GRID1: variants seen among roughly 807,000 people sequenced by gnomAD.
GRID1 encodes the protein glutamate ionotropic receptor delta type subunit 1, also known as glutamate receptor ionotropic, delta-1.
GRID1 carries 28 observed loss-of-function variants against 98.0 expected under a neutral mutation model. The ratio of observed to expected loss-of-function variants is 0.29; its 90% confidence interval spans 0.21 to 0.39. The LOEUF (loss-of-function observed/expected upper bound fraction) is 0.39. Ranked by LOEUF, GRID1 falls within the 10% of genes least tolerant of loss-of-function variation. The pLI is 1.00. For synonymous variants in GRID1, 553 were observed against 538.5 expected (o/e 1.03, Z -0.37); for missense variants, 1,111 against 1,340.5 (o/e 0.83, Z 2.67).
At chr10:86,049,785 T>C (rs1290556480) in intron 4 of GRID1, among the ~76,000 whole-genome samples, 1 of 152,244 alleles carries the variant, frequency 6.6e-6, no homozygotes, top group Non-Finnish European at 1.5e-5. Flanking sequence ...CTTGGAGACA[T>C]ATTTGGGCTC....
intron 12 of GRID1, among the ~76,000 whole-genome samples, chr10:85,673,756 C>G (rs542545178): frequency 6.6e-6 from 1 of 152,136 alleles, no homozygotes. Context: ...AAAATTCCTG[C>G]GACTTTATTT....
intron 13 of GRID1, among the ~76,000 whole-genome samples, chr10:85,639,339 T>C (rs1277664298): frequency 1.3e-5 from 2 of 152,236 alleles, no homozygotes; most frequent in African/African-American, 4.8e-5. Flanking sequence ...TTCTGTATGA[T>C]TCCATTTATA....
chr10:85,758,055 G>C (rs967951554), intron 8 of GRID1, among the ~76,000 whole-genome samples: 2 of 152,206 alleles, frequency 1.3e-5, no homozygotes, highest in African/African-American at 4.8e-5. Flanking sequence ...AGAGGGAGTA[G>C]AGCATGGTGG....
intron 2 of GRID1, among the ~76,000 whole-genome samples, chr10:86,230,810 G>C (rs1001771727): frequency 2.6e-5 from 4 of 152,252 alleles, no homozygotes; most frequent in Non-Finnish European, 2.9e-5. Flanking sequence ...TCTGGTCTGT[G>C]AGCGCCTCCA....
At chr10:85,612,315 G>A (rs1175724491) in intron 15 of GRID1, among the ~76,000 whole-genome samples, 3 of 147,016 alleles carry the variant, frequency 2.0e-5, no homozygotes, top group African/African-American at 7.6e-5. Flanking sequence ...TCTGAGAAGA[G>A]CCCGCCGGCT....
Position 86,297,610 on chromosome 10 carries a change from T to C in GRID1, c.235+66331A>G, listed in dbSNP as rs138998929. Among the ~76,000 whole-genome samples the C allele has an allele frequency of 1.4e-3, 218 of 152,220 alleles. 1 individual carries two copies. Among genetic ancestry groups the C allele is most frequent in the East Asian group, 0.013 (68 of 5,184 alleles). ...AAAGAAAGTATAAATAAAAAGATAA[T>C]TCAACAATATAAAAAGTACAAAAGC... On this transcript the variant is annotated intron_variant, in intron 2 of 15. Transcript: ENST00000327946.
intron 8 of GRID1, among the ~76,000 whole-genome samples, chr10:85,782,019 ATTAATCTTCCTAAAGGC>A (rs1327863179): frequency 6.6e-6 from 1 of 152,218 alleles, no homozygotes; most frequent in East Asian, 1.9e-4. Context: ...TTTTGTCAAA[ATTAATCTTCCTAAAGGC>A]AAAAAATTTA....
chr10:86,121,322 A>AG (rs201167995), intron 4 of GRID1, among the ~76,000 whole-genome samples: 258 of 150,824 alleles, frequency 1.7e-3, no homozygotes, highest in African/African-American at 5.9e-3. Context: ...CATCATCACC[A>AG]CATCACCATC....
intron 5 of GRID1, among the ~76,000 whole-genome samples, chr10:85,893,168 G>A (rs1241011995): frequency 1.3e-5 from 2 of 151,904 alleles, no homozygotes; most frequent in African/African-American, 4.8e-5. Context: ...AAAAATATTT[G>A]GCAAAATTCA....
At chr10:85,839,820 C>T (rs965050269) in intron 8 of GRID1, among the ~76,000 whole-genome samples, 1 of 151,930 alleles carries the variant, frequency 6.6e-6, no homozygotes, top group East Asian at 1.9e-4. Flanking sequence ...AATCCAGGAG[C>T]TGGTTTTGTG....
intron 8 of GRID1, among the ~76,000 whole-genome samples, chr10:85,850,462 G>A (rs570651711): frequency 6.6e-6 from 1 of 152,304 alleles, no homozygotes; most frequent in South Asian, 2.1e-4. Context: ...ATATGGAGTG[G>A]ACATCTGCTG....
chr10:86,026,055 G>T (rs536212776), intron 4 of GRID1, among the ~76,000 whole-genome samples: 6 of 152,134 alleles, frequency 3.9e-5, no homozygotes, highest in African/African-American at 1.2e-4. Flanking sequence ...AAGGCCCAAG[G>T]GGGTGTTGCT....
intron 4 of GRID1, among the ~76,000 whole-genome samples, chr10:86,118,640 G>A (rs2131957331): frequency 6.6e-6 from 1 of 152,256 alleles, no homozygotes; most frequent in Admixed American, 6.5e-5. Context: ...TCCAAAGAGG[G>A]CAGCATGGGG....
At chr10:85,955,290 C>G (rs897822341) in intron 4 of GRID1, among the ~76,000 whole-genome samples, 2 of 152,300 alleles carry the variant, frequency 1.3e-5, no homozygotes, top group Middle Eastern at 3.4e-3. Flanking sequence ...GATGGCGAAC[C>G]TGTAGCCATG....
intron 2 of GRID1, among the ~76,000 whole-genome samples, chr10:86,234,269 G>A (rs1334276292): frequency 6.6e-6 from 1 of 152,200 alleles, no homozygotes; most frequent in Non-Finnish European, 1.5e-5. Context: ...CCAGCTTTCA[G>A]GGTTATTGAG....
chr10:85,977,582 AC>A (rs1216533327), intron 4 of GRID1, among the ~76,000 whole-genome samples: 1 of 152,074 alleles, frequency 6.6e-6, no homozygotes, highest in East Asian at 1.9e-4. Context: ...TGAGCAATCA[AC>A]CCCCTAGGCT....
intron 3 of GRID1, among the ~76,000 whole-genome samples, chr10:86,183,446 G>C (rs1247086954): frequency 4.6e-5 from 7 of 152,070 alleles, no homozygotes; most frequent in Non-Finnish European, 1.0e-4. Flanking sequence ...TGCATCCACT[G>C]CCTCCCAGAT....
rs1200543726 is a variant in GRID1, at chr10:86,206,144, CATG to C, written c.520+217_520+219del. ...CTAAGATGATTCAAACTTCAGCCGTCATGATAAGGTGTTGTTGCTAGGCAACTT... is the reference window on the plus strand; with the variant it reads ...CTAAGATGATTCAAACTTCAGCCGTCATAAGGTGTTGTTGCTAGGCAACTT... On this transcript the variant is annotated intron_variant, in intron 3 of 15. Transcript: ENST00000327946. The surrounding 1 kb of genome is among the most constrained non-coding windows in gnomAD (Gnocchi z 4.1). Among the ~76,000 whole-genome samples, 3 of 152,208 alleles carry C rather than the reference CATG, an allele frequency of 2.0e-5. No individual in the cohort carries two copies. The highest frequency in any genetic ancestry group is 4.8e-5 in the African/African-American group (2 of 41,450).
At chr10:86,241,796 C>T (rs1328349058) in intron 2 of GRID1, among the ~76,000 whole-genome samples, 1 of 152,210 alleles carries the variant, frequency 6.6e-6, no homozygotes, top group Non-Finnish European at 1.5e-5. Context: ...GAGGCCATCA[C>T]CTGCAAGAGC....
Sources: allele counts gnomAD v4.1 joint callset (sites outside exome capture counted in the v4.1 genomes callset), GRCh38; gene constraint gnomAD v4.1.1; non-coding constraint Gnocchi (gnomAD v3.1); transcripts MANE v1.5; gene names NCBI Gene and HGNC (gene_info 2026-07-23, HGNC 2026-07-21).